The following CXCL13 variants were observed in gnomAD, a reference collection of about 807,000 sequenced individuals.
CXCL13 encodes the protein C-X-C motif chemokine ligand 13.
CXCL13 carries 7 observed loss-of-function variants against 12.2 expected under a neutral mutation model. The ratio of observed to expected loss-of-function variants is 0.57; its 90% CI spans 0.33 to 1.07. The LOEUF (loss-of-function observed/expected upper bound fraction) is 1.07. Among genes scored for constraint, CXCL13 ranks in the 50% least tolerant of loss-of-function variants. The probability of loss-of-function intolerance (pLI) is 0.04; values close to 1 mark genes in which losing one functional copy is unlikely to be tolerated. For synonymous variants in CXCL13, 47 were observed against 42.4 expected, an observed-to-expected ratio of 1.11 and a Z score of -0.42; for missense variants, 113 against 127.4, an observed-to-expected ratio of 0.89 and a Z score of 0.55.
At chr4:77,539,544 A>C (rs572254063) in intron 1 of CXCL13, among the ~76,000 whole-genome samples, 1 of 152,316 alleles carries the variant, frequency 6.6e-6, no homozygotes, top group Admixed American at 6.5e-5. Flanking sequence ...GCCTGCTAGC[A>C]CTTGGGAGAA....
chr4:77,558,508 A>T (rs1725718765), intron 1 of CXCL13, among the ~76,000 whole-genome samples: 1 of 152,188 alleles, frequency 6.6e-6, no homozygotes, highest in South Asian at 2.1e-4. Context: ...GTAAGTCACC[A>T]TACTTGGCTA....
At chr4:77,579,589 C>T (rs1010455761) in intron 1 of CXCL13, among the ~76,000 whole-genome samples, 3 of 152,170 alleles carry the variant, frequency 2.0e-5, no homozygotes, top group Admixed American at 6.5e-5. Flanking sequence ...TTTACAGACA[C>T]TCCTCTACTC....
chr4:77,573,715 T>A (rs969588097), intron 1 of CXCL13, among the ~76,000 whole-genome samples: 4 of 152,010 alleles, frequency 2.6e-5, no homozygotes, highest in Non-Finnish European at 5.9e-5. Context: ...ATGCTATAGC[T>A]CAGTAGCTAA....
intron 1 of CXCL13, among the ~76,000 whole-genome samples, chr4:77,545,387 T>G (rs1175409714): frequency 4.6e-5 from 7 of 152,220 alleles, no homozygotes; most frequent in Non-Finnish European, 1.0e-4. Flanking sequence ...GAGCATGGAA[T>G]GTTCTTCCAT....
At chr4:77,568,660 G>A (rs900713259) in intron 1 of CXCL13, among the ~76,000 whole-genome samples, 2 of 152,070 alleles carry the variant, frequency 1.3e-5, no homozygotes, top group African/African-American at 2.4e-5. Flanking sequence ...CCCTGGAGAT[G>A]CTCTAGGGTT....
intron 1 of CXCL13, among the ~76,000 whole-genome samples, chr4:77,564,641 C>T (rs895580410): frequency 2.5e-4 from 38 of 152,178 alleles, no homozygotes; most frequent in Admixed American, 2.6e-4. Flanking sequence ...GTGAAGAAAG[C>T]TAGGACAAAA....
intron 1 of CXCL13, among the ~76,000 whole-genome samples, chr4:77,537,461 T>C (rs1725087244): frequency 6.6e-6 from 1 of 152,200 alleles, no homozygotes; most frequent in Non-Finnish European, 1.5e-5. Flanking sequence ...CAAAAGTGGT[T>C]ATTGAACTCC....
intron 1 of CXCL13, among the ~76,000 whole-genome samples, chr4:77,596,918 T>G (rs969743712): frequency 6.6e-6 from 1 of 152,104 alleles, no homozygotes; most frequent in East Asian, 1.9e-4. Flanking sequence ...TAAGTGTCTA[T>G]TGATGGAAGA....
At chr4:77,530,346 G>A (rs989511647) in intron 1 of CXCL13, among the ~76,000 whole-genome samples, 1 of 152,206 alleles carries the variant, frequency 6.6e-6, no homozygotes, top group African/African-American at 2.4e-5. Flanking sequence ...GTTTCGGAAG[G>A]AATGGTACCA....
intron 1 of CXCL13, among the ~76,000 whole-genome samples, chr4:77,583,006 T>G (rs1223646125): frequency 6.6e-6 from 1 of 152,190 alleles, no homozygotes; most frequent in African/African-American, 2.4e-5. Context: ...ATAATAGTCA[T>G]GCTGTTACTG....
At chr4:77,542,713 C>A (rs1250542366) in intron 1 of CXCL13, among the ~76,000 whole-genome samples, 1 of 152,144 alleles carries the variant, frequency 6.6e-6, no homozygotes, top group East Asian at 1.9e-4. Flanking sequence ...AGGAATGAAG[C>A]CTACTTGATC....
At chr4:77,559,993 C>T (rs1304158561) in intron 1 of CXCL13, among the ~76,000 whole-genome samples, 3 of 150,616 alleles carry the variant, frequency 2.0e-5, no homozygotes, top group African/African-American at 7.3e-5. Flanking sequence ...GACCCCTTCA[C>T]TTCCTAGAAC....
At chr4:77,558,969 A>T (rs1274305391) in intron 1 of CXCL13, among the ~76,000 whole-genome samples, 2 of 152,196 alleles carry the variant, frequency 1.3e-5, no homozygotes, top group Non-Finnish European at 2.9e-5. Flanking sequence ...AGCTTGGTGA[A>T]GCCACCCGAT....
chr4:77,597,133 T>A (rs1004695983), intron 1 of CXCL13, among the ~76,000 whole-genome samples: 110 of 152,082 alleles, frequency 7.2e-4, no homozygotes, highest in African/African-American at 2.4e-3. Context: ...AGCAGAGTAG[T>A]GGTTATCAAG....
intron 2 of CXCL13, among the ~76,000 whole-genome samples, chr4:77,609,381 T>C (rs1409682960): frequency 6.6e-6 from 1 of 152,048 alleles, no homozygotes; most frequent in Admixed American, 6.6e-5. Flanking sequence ...GGCACAGTCA[T>C]GGCTCACTGC....
At chr4:77,547,737 A>T (rs1278409882) in intron 1 of CXCL13, among the ~76,000 whole-genome samples, 2 of 152,140 alleles carry the variant, frequency 1.3e-5, no homozygotes, top group African/African-American at 4.8e-5. Flanking sequence ...TTTACATTTA[A>T]GATTAATATT....
intron 1 of CXCL13, among the ~76,000 whole-genome samples, chr4:77,518,671 T>A (rs1724494048): frequency 6.6e-6 from 1 of 152,158 alleles, no homozygotes; most frequent in Non-Finnish European, 1.5e-5. Context: ...CTTCTCTATA[T>A]TGGTTATTCT....
chr4:77,538,257 A>G (rs1480914887), intron 1 of CXCL13, among the ~76,000 whole-genome samples: 1 of 152,164 alleles, frequency 6.6e-6, no homozygotes, highest in Non-Finnish European at 1.5e-5. Flanking sequence ...AAGCTTTCAC[A>G]AAAAGAGACT....
In CXCL13 at chr4:77,611,306, G is replaced by T. The variant is rs1183178790; in HGVS notation, c.*267G>T. On this transcript the variant is annotated 3_prime_UTR_variant, in exon 4 of 4. Transcript: ENST00000682537. ...AGTTATTCAGTTATAAGTAATACAGGATTATTTTGATTATATACTTGTTGT... is the reference window on the plus strand; with the variant it reads ...AGTTATTCAGTTATAAGTAATACAGTATTATTTTGATTATATACTTGTTGT... The T allele has an allele frequency of 2.6e-6, 1 of 380,150 alleles. No individual in the cohort carries two copies. The highest frequency in any genetic ancestry group is 3.9e-5 in the East Asian group (1 of 25,810). 23.5% of individuals were successfully genotyped at this position (380,150 alleles called of 1,614,324 possible). A position where few individuals can be genotyped will look rare whatever the true frequency, so the allele number is the denominator to read the frequency against.
Sources: allele counts gnomAD v4.1 joint callset (sites outside exome capture counted in the v4.1 genomes callset), GRCh38; gene constraint gnomAD v4.1.1; transcripts MANE v1.5; gene names NCBI Gene and HGNC (gene_info 2026-07-23, HGNC 2026-07-21).